Variants in TENM1 observed in about 807,000 individuals in gnomAD.
TENM1 encodes the protein teneurin-1.
A neutral mutation model predicts 174.8 loss-of-function variants in TENM1; 35 were observed. The observed-to-expected ratio is 0.20, with a 90% CI of 0.15 to 0.27. The LOEUF is 0.27. Ranked by LOEUF, TENM1 falls within the 10% of genes least tolerant of loss-of-function variation. TENM1 has a pLI of 1.00. For synonymous variants in TENM1, 781 were observed against 798.7 expected, an observed-to-expected ratio of 0.98 and a Z score of 0.37; for missense variants, 1,633 against 2,130.1, an observed-to-expected ratio of 0.77 and a Z score of 4.59.
chrX:125,101,742 G>C, the TENM1 span, among the ~76,000 whole-genome samples: 20 of 112,034 alleles, frequency 1.8e-4, no homozygotes, highest in African/African-American at 6.2e-4. Flanking sequence ...AAAGAGAAAG[G>C]GAAGAGCAGC....
At chrX:125,063,761 A>G in the TENM1 span, among the ~76,000 whole-genome samples, 3 of 111,507 alleles carry the variant, frequency 2.7e-5, no homozygotes, top group African/African-American at 9.8e-5. Context: ...GTGATTCCTC[A>G]GGGATCTAGA....
chrX:124,588,038 C>T lies in TENM1; in HGVS notation c.2078-22478G>A, dbSNP rs185710609. Reference sequence around the variant, plus strand: ...TGGCAATCACTAAAAAGTCAGGAAACAACCGGTGTTGGAGAGGATGTGGAG... The same window carrying T: ...TGGCAATCACTAAAAAGTCAGGAAATAACCGGTGTTGGAGAGGATGTGGAG... On this transcript the variant is annotated intron_variant, in intron 11 of 31. Transcript: ENST00000422452. Among the ~76,000 whole-genome samples the T allele has an allele frequency of 7.0e-3, 779 of 111,919 alleles. 5 individuals are homozygous for T. Among genetic ancestry groups the T allele is most frequent in the African/African-American group, 0.024 (733 of 30,772 alleles).
chrX:124,695,171 TG>T (rs1393050773), intron 5 of TENM1, among the ~76,000 whole-genome samples: 1 of 111,071 alleles, frequency 9.0e-6, no homozygotes, highest in African/African-American at 3.3e-5. Flanking sequence ...GGGTATTCGA[TG>T]GACTGGAGCG....
chrX:124,866,855 T>C (rs1387755680), intron 3 of TENM1, among the ~76,000 whole-genome samples: 1 of 111,217 alleles, frequency 9.0e-6, no homozygotes, highest in East Asian at 2.8e-4. Context: ...ATCATTAGTG[T>C]AATATCTGCA....
At chrX:125,053,991 A>C in the TENM1 span, among the ~76,000 whole-genome samples, 2 of 112,121 alleles carry the variant, frequency 1.8e-5, no homozygotes, top group African/African-American at 6.5e-5. Flanking sequence ...TTAAAAAGTA[A>C]AAGGTAAACT....
chrX:124,629,297 C>A (rs1327907293), intron 11 of TENM1, among the ~76,000 whole-genome samples: 1 of 112,068 alleles, frequency 8.9e-6, no homozygotes, highest in African/African-American at 3.2e-5. Context: ...TATCTGTATT[C>A]TGCAAACACA....
chrX:124,484,608 A>C, intron 21 of TENM1, among the ~76,000 whole-genome samples: 1 of 111,688 alleles, frequency 9.0e-6, no homozygotes, highest in Non-Finnish European at 1.9e-5. Context: ...TTCCAGCTTT[A>C]GCCATTGGGA....
At chrX:124,468,371 T>A in intron 22 of TENM1, among the ~76,000 whole-genome samples, 1 of 110,574 alleles carries the variant, frequency 9.0e-6, no homozygotes, top group East Asian at 2.9e-4. Context: ...AGAGATGGGG[T>A]TTCATCATGT....
intron 18 of TENM1, among the ~76,000 whole-genome samples, chrX:124,514,701 C>T (rs1332246291): frequency 9.0e-6 from 1 of 110,579 alleles, no homozygotes; most frequent in Non-Finnish European, 1.9e-5. Flanking sequence ...TACCAACCAA[C>T]CAACCAACCA....
chrX:124,472,330 TAAAAAAA>T (rs34695864), intron 22 of TENM1, among the ~76,000 whole-genome samples: 1 of 18,680 alleles, frequency 5.4e-5, no homozygotes, highest in Non-Finnish European at 8.9e-5. Flanking sequence ...ATGCTTGACG[TAAAAAAA>T]AAAAAAAAAA....
intron 11 of TENM1, among the ~76,000 whole-genome samples, chrX:124,607,693 C>T (rs757896496): frequency 7.4e-4 from 82 of 110,371 alleles, no homozygotes; most frequent in African/African-American, 2.4e-3. Context: ...ACCATGGAAG[C>T]TTGTGAGCAG....
At chrX:124,551,674 C>A (rs2048577518) in intron 14 of TENM1, among the ~76,000 whole-genome samples, 1 of 111,109 alleles carries the variant, frequency 9.0e-6, no homozygotes. Flanking sequence ...TGTAAACTGA[C>A]CAAATTATTT....
chrX:125,001,893 C>G, the TENM1 span, among the ~76,000 whole-genome samples: 1 of 89,063 alleles, frequency 1.1e-5, no homozygotes, highest in Non-Finnish European at 2.3e-5. Flanking sequence ...ACACACAGCT[C>G]TCTCTACCTC....
At chrX:124,908,889 G>A (rs1022126026) in intron 1 of TENM1, among the ~76,000 whole-genome samples, 14 of 106,526 alleles carry the variant, frequency 1.3e-4, no homozygotes, top group African/African-American at 4.1e-4. Context: ...ATGGAGTCTC[G>A]CTCTTGTCTC....
At chrX:125,023,290 G>A in the TENM1 span, among the ~76,000 whole-genome samples, 3 of 111,104 alleles carry the variant, frequency 2.7e-5, no homozygotes, top group Non-Finnish European at 3.8e-5. Context: ...ACTCACTCTC[G>A]CCTGCTGCCA....
intron 20 of TENM1, among the ~76,000 whole-genome samples, chrX:124,492,624 T>A (rs2047095542): frequency 9.0e-6 from 1 of 111,048 alleles, no homozygotes; most frequent in African/African-American, 3.3e-5. Flanking sequence ...GTCAAACAGT[T>A]AGGGAGTTAC....
exon 32 of TENM1, chrX:124,380,282 G>A (rs2060141824): frequency 3.4e-6 from 1 of 292,110 alleles, no homozygotes; most frequent in South Asian, 1.2e-4. Context: ...TCTGAAAACT[G>A]TTTTTAGCTG....
At chrX:125,028,187 T>G in the TENM1 span, among the ~76,000 whole-genome samples, 1 of 111,889 alleles carries the variant, frequency 8.9e-6, no homozygotes, top group African/African-American at 3.2e-5. Flanking sequence ...AAAATTAAAT[T>G]CTGGGAAAAG....
the TENM1 span, among the ~76,000 whole-genome samples, chrX:125,163,522 C>T: frequency 1.8e-5 from 2 of 110,707 alleles, no homozygotes; most frequent in African/African-American, 6.6e-5. Context: ...CATTCAGATC[C>T]GAGAAAATAA....
Sources: allele counts gnomAD v4.1 joint callset (sites outside exome capture counted in the v4.1 genomes callset), GRCh38; gene constraint gnomAD v4.1.1; transcripts MANE v1.5; gene names NCBI Gene and HGNC (gene_info 2026-07-23, HGNC 2026-07-21).